Variants in ERC2 observed in about 807,000 individuals in gnomAD.
ERC2 encodes ERC protein 2.
Under a neutral mutation model 114.8 loss-of-function variants are expected in ERC2, and 42 were observed. The ratio of observed to expected loss-of-function variants is 0.37; its 90% CI spans 0.29 to 0.47. The LOEUF (loss-of-function observed/expected upper bound fraction) is 0.47, where lower values mean the gene tolerates loss of function less well. Among genes scored for constraint, ERC2 ranks in the 20% least tolerant of loss-of-function variants. ERC2 has a pLI of 0.99. For missense variants in ERC2, 939 were observed against 1,150.7 expected (o/e 0.82, Z 2.66); for synonymous variants, 454 against 425.5 (o/e 1.07, Z -0.82).
chr3:55,539,222 ACTTCGCATGG>A (rs2054202013), intron 17 of ERC2, among the ~76,000 whole-genome samples: 1 of 152,104 alleles, frequency 6.6e-6, no homozygotes, highest in African/African-American at 2.4e-5. Context: ...CAATGCTGGA[ACTTCGCATGG>A]CTTCAGAGAT....
intron 2 of ERC2, among the ~76,000 whole-genome samples, chr3:56,344,336 T>C (rs748357860): frequency 2.0e-5 from 3 of 151,936 alleles, no homozygotes; most frequent in Admixed American, 6.6e-5. Flanking sequence ...TCCTCCTCAT[T>C]CTCCACCGTC....
At chr3:56,280,155 G>A (rs1458841339) in intron 3 of ERC2, among the ~76,000 whole-genome samples, 1 of 152,096 alleles carries the variant, frequency 6.6e-6, no homozygotes, top group Non-Finnish European at 1.5e-5. Flanking sequence ...TTTCAGTGTT[G>A]GCTGGAAAAT....
rs576206368 is a variant in ERC2, at chr3:55,665,542, G to T, written c.*39+18252C>A. Reference sequence around the variant, plus strand: ...GGAGACACATGCACTCAACAACGCCGGGAGAAAATGAAGACAGAGATCAGA... The same window carrying T: ...GGAGACACATGCACTCAACAACGCCTGGAGAAAATGAAGACAGAGATCAGA... On this transcript the variant is annotated intron_variant, in intron 17 of 17. Coordinates refer to ENST00000288221, the MANE Select transcript of ERC2 (RefSeq NM_015576.3). Among the ~76,000 whole-genome samples, 13 of 152,220 alleles carry T rather than the reference G, an allele frequency of 8.5e-5. No homozygotes were observed. The East Asian group carries it at 2.3e-3, about 27-fold the overall frequency.
chr3:55,653,814 G>A (rs766085857), intron 17 of ERC2, among the ~76,000 whole-genome samples: 2 of 152,148 alleles, frequency 1.3e-5, no homozygotes, highest in Non-Finnish European at 2.9e-5. Flanking sequence ...CTATTGGTGC[G>A]CTCTCTATGG....
intron 17 of ERC2, among the ~76,000 whole-genome samples, chr3:55,601,609 T>C (rs1180841314): frequency 6.6e-6 from 1 of 152,160 alleles, no homozygotes; most frequent in African/African-American, 2.4e-5. Context: ...TCTGCCCCTC[T>C]GAAGAGAAGC....
intron 14 of ERC2, among the ~76,000 whole-genome samples, chr3:55,843,308 G>A (rs759426997): frequency 6.6e-6 from 1 of 152,208 alleles, no homozygotes; most frequent in African/African-American, 2.4e-5. Flanking sequence ...GGGTGGCAGA[G>A]GGATAAGATA....
chr3:56,405,656 TAGAC>T (rs750716060), intron 2 of ERC2, among the ~76,000 whole-genome samples: 90 of 152,096 alleles, frequency 5.9e-4, no homozygotes, highest in East Asian at 1.5e-3. Context: ...GATAGATAGA[TAGAC>T]AGATAGATAG....
At chr3:55,792,144 A>G (rs1441805991) in intron 14 of ERC2, among the ~76,000 whole-genome samples, 1 of 152,246 alleles carries the variant, frequency 6.6e-6, no homozygotes, top group Admixed American at 6.5e-5. Flanking sequence ...GTCTAAGTAC[A>G]CAATGCATAA....
intron 17 of ERC2, among the ~76,000 whole-genome samples, chr3:55,593,463 T>C (rs1350920410): frequency 6.6e-6 from 1 of 152,218 alleles, no homozygotes; most frequent in Non-Finnish European, 1.5e-5. Context: ...TTTAATCATC[T>C]CTGGCTGACT....
intron 14 of ERC2, among the ~76,000 whole-genome samples, chr3:55,879,158 A>C (rs1317807889): frequency 7.2e-6 from 1 of 138,494 alleles, no homozygotes; most frequent in Middle Eastern, 4.4e-3. Context: ...AAGGAACGAA[A>C]AAGAGCCCAG....
intron 16 of ERC2, among the ~76,000 whole-genome samples, chr3:55,692,778 C>T (rs116418061): frequency 1.5e-3 from 232 of 152,308 alleles, no homozygotes; most frequent in Non-Finnish European, 2.6e-3. Context: ...AATCCAGAAT[C>T]CAAACACAGA....
chr3:55,689,617 C>T (rs1319346816), intron 16 of ERC2, among the ~76,000 whole-genome samples: 1 of 152,014 alleles, frequency 6.6e-6, no homozygotes, highest in East Asian at 1.9e-4. Flanking sequence ...TCTGCCATTT[C>T]CTTCATGGTA....
intron 7 of ERC2, among the ~76,000 whole-genome samples, chr3:56,070,783 A>C (rs762260882): frequency 9.9e-5 from 15 of 152,234 alleles, no homozygotes; most frequent in Non-Finnish European, 2.1e-4. Context: ...GAAATGTGAA[A>C]TCTGTTTCCT....
chr3:55,648,737 A>G (rs1290120923), intron 17 of ERC2, among the ~76,000 whole-genome samples: 1 of 152,176 alleles, frequency 6.6e-6, no homozygotes. Flanking sequence ...TGGTTCAGAG[A>G]CATGGCTGCC....
rs140551973 is a variant in ERC2, at chr3:55,899,724, C to T, written c.2404-11175G>A. Among the ~76,000 whole-genome samples, 862 of 152,138 alleles carry T rather than the reference C, an allele frequency of 5.7e-3. 11 individuals are homozygous for T. Among genetic ancestry groups the T allele is most frequent in the East Asian group, 0.014 (73 of 5,174 alleles). On this transcript the variant is annotated intron_variant, in intron 13 of 17. Transcript: ENST00000288221. ...TCAACTATGTGTTGGGATTTTTTTG[C>T]ATATTCGTAGGAGAAAAGACTAGAG...
chr3:56,162,051 A>G (rs2082076801), intron 4 of ERC2, among the ~76,000 whole-genome samples: 1 of 152,150 alleles, frequency 6.6e-6, no homozygotes, highest in Non-Finnish European at 1.5e-5. Context: ...ATTTTGAGGT[A>G]TGTTGCTTCA....
At chr3:55,810,101 A>C (rs1344651710) in intron 14 of ERC2, among the ~76,000 whole-genome samples, 1 of 152,176 alleles carries the variant, frequency 6.6e-6, no homozygotes, top group Non-Finnish European at 1.5e-5. Flanking sequence ...CATTTTAAAA[A>C]TCCATCTTAG....
intron 17 of ERC2, among the ~76,000 whole-genome samples, chr3:55,603,788 G>A (rs2058519995): frequency 6.6e-6 from 1 of 151,838 alleles, no homozygotes; most frequent in Admixed American, 6.6e-5. Flanking sequence ...AATCTGAACA[G>A]CTGCTTTATA....
intron 2 of ERC2, among the ~76,000 whole-genome samples, chr3:56,345,735 T>A (rs1315604019): frequency 6.6e-6 from 1 of 152,180 alleles, no homozygotes; most frequent in African/African-American, 2.4e-5. Flanking sequence ...CAGAGCAGTA[T>A]TGAGGTTTCC....
Sources: allele counts gnomAD v4.1 joint callset (sites outside exome capture counted in the v4.1 genomes callset), GRCh38; gene constraint gnomAD v4.1.1; transcripts MANE v1.5; gene names NCBI Gene and HGNC (gene_info 2026-07-23, HGNC 2026-07-21).